Variants in CAST observed in about 807,000 individuals in gnomAD.
CAST encodes MIR583 host.
A neutral mutation model predicts 119.6 loss-of-function variants in CAST; 76 were observed. That is an observed-to-expected ratio of 0.64 (90% CI 0.53 to 0.77). The LOEUF is 0.77. Ranked by LOEUF, CAST falls within the 30% of genes least tolerant of loss-of-function variation. The pLI, the probability that CAST is intolerant of heterozygous loss-of-function variation, is 0.00. For synonymous variants in CAST, 319 were observed against 331.6 expected, an observed-to-expected ratio of 0.96 and a Z score of 0.41; for missense variants, 953 against 946.5, an observed-to-expected ratio of 1.01 and a Z score of -0.09.
At chr5:96,469,629 G>T in the CAST span, among the ~76,000 whole-genome samples, 1 of 151,836 alleles carries the variant, frequency 6.6e-6, no homozygotes, top group Admixed American at 6.6e-5. Context: ...AAAACAGAAT[G>T]CATTGAAAGA....
At chr5:96,489,203 A>T in the CAST span, among the ~76,000 whole-genome samples, 2 of 132,018 alleles carry the variant, frequency 1.5e-5, no homozygotes, top group African/African-American at 5.5e-5. Context: ...TTGTTTTTTG[A>T]CGTGTAGATT....
the CAST span, among the ~76,000 whole-genome samples, chr5:96,338,810 G>A: frequency 1.3e-5 from 2 of 152,120 alleles, no homozygotes; most frequent in Non-Finnish European, 2.9e-5. Context: ...CTAGAGACTT[G>A]GCTCCTGGTG....
chr5:96,425,062 A>G, the CAST span, among the ~76,000 whole-genome samples: 22 of 142,436 alleles, frequency 1.5e-4, no homozygotes, highest in Non-Finnish European at 2.9e-4. Context: ...GAAAGAAAGA[A>G]AGAAAGAAAG....
At chr5:96,001,557 C>T in the CAST span, among the ~76,000 whole-genome samples, 1 of 152,142 alleles carries the variant, frequency 6.6e-6, no homozygotes. Context: ...GAGAAAGGCA[C>T]ATAACACTTG....
chr5:96,450,143 T>C, the CAST span, among the ~76,000 whole-genome samples: 1 of 152,220 alleles, frequency 6.6e-6, no homozygotes, highest in African/African-American at 2.4e-5. Context: ...AGCAAAGTCA[T>C]GGATTCCACC....
chr5:96,109,039 C>T, the CAST span, among the ~76,000 whole-genome samples: 1 of 152,356 alleles, frequency 6.6e-6, no homozygotes, highest in Admixed American at 6.5e-5. Context: ...ACTCCCTGAC[C>T]CCTTGCGCTT....
chr5:96,552,624 AC>A (rs1320456405), intron 1 of CAST, among the ~76,000 whole-genome samples: 1 of 152,142 alleles, frequency 6.6e-6, no homozygotes, highest in African/African-American at 2.4e-5. Context: ...ATCAGTGAAT[AC>A]AGGAGCTGGT....
At chr5:96,421,363 T>G in the CAST span, among the ~76,000 whole-genome samples, 1 of 149,754 alleles carries the variant, frequency 6.7e-6, no homozygotes, top group Non-Finnish European at 1.5e-5. Context: ...CCCTGGAGAC[T>G]GTGTTGGATT....
At chr5:96,295,851 T>A in the CAST span, among the ~76,000 whole-genome samples, 1 of 152,148 alleles carries the variant, frequency 6.6e-6, no homozygotes, top group African/African-American at 2.4e-5. Flanking sequence ...ATGTCCAATT[T>A]TGTGTACAAA....
chr5:96,068,409 C>G, the CAST span, among the ~76,000 whole-genome samples: 1 of 151,982 alleles, frequency 6.6e-6, no homozygotes, highest in Non-Finnish European at 1.5e-5. Flanking sequence ...AGAACTTTAC[C>G]CTGACTCCTG....
At chr5:96,312,368 C>G in the CAST span, among the ~76,000 whole-genome samples, 1 of 152,028 alleles carries the variant, frequency 6.6e-6, no homozygotes, top group Non-Finnish European at 1.5e-5. Flanking sequence ...CTAAGGGTTA[C>G]CCCTGTGTTG....
the CAST span, among the ~76,000 whole-genome samples, chr5:96,009,586 A>G: frequency 6.6e-6 from 1 of 152,034 alleles, no homozygotes; most frequent in African/African-American, 2.4e-5. Context: ...CTGGCTACCT[A>G]TATGTCTTCT....
the CAST span, among the ~76,000 whole-genome samples, chr5:96,025,031 A>G: frequency 9.7e-4 from 147 of 152,312 alleles, no homozygotes; most frequent in Middle Eastern, 3.4e-3. Flanking sequence ...TGATTGGGCC[A>G]AAAACCAGTG....
chr5:96,081,465 A>G, the CAST span, among the ~76,000 whole-genome samples: 1 of 152,200 alleles, frequency 6.6e-6, no homozygotes, highest in Admixed American at 6.5e-5. Flanking sequence ...GGAAGAGGAT[A>G]ATCTTGCTGA....
At chr5:96,003,219 G>A in the CAST span, among the ~76,000 whole-genome samples, 8 of 152,038 alleles carry the variant, frequency 5.3e-5, no homozygotes, top group South Asian at 2.1e-4. Flanking sequence ...CATCCTGGGC[G>A]ACAGAGCAAG....
Position 96,765,344 on chromosome 5 carries a change from A to G in CAST, c.2037+19A>G. On this transcript the variant is annotated intron_variant, in intron 26 of 31. Transcript: ENST00000675179. ...AGTAAAGGTAAAAAAAAAAAAAAAA[A>G]AAAAAAAAATTCACTAATAGTGAAA... The G allele has an allele frequency of 9.5e-7, 1 of 1,052,482 alleles. No individual in the cohort carries two copies. Among genetic ancestry groups the G allele is most frequent in the Non-Finnish European group, 1.4e-6 (1 of 737,054 alleles). 65.2% of individuals were successfully genotyped at this position (1,052,482 alleles called of 1,614,324 possible). A position where few individuals can be genotyped will look rare whatever the true frequency, so the allele number is the denominator to read the frequency against.
At chr5:96,621,068 C>G (rs1329550171) in intron 1 of CAST, among the ~76,000 whole-genome samples, 1 of 152,144 alleles carries the variant, frequency 6.6e-6, no homozygotes, top group Non-Finnish European at 1.5e-5. Flanking sequence ...TCACAGATAC[C>G]TCAAGTTCCC....
At chr5:96,354,790 G>C in the CAST span, among the ~76,000 whole-genome samples, 1 of 150,060 alleles carries the variant, frequency 6.7e-6, no homozygotes, top group Non-Finnish European at 1.5e-5. Context: ...CTGGAGCTTA[G>C]GCAATAAATG....
the CAST span, among the ~76,000 whole-genome samples, chr5:96,014,860 C>T: frequency 1.3e-5 from 2 of 152,070 alleles, no homozygotes; most frequent in African/African-American, 4.8e-5. Flanking sequence ...TTCTGTTAGC[C>T]TGGAGGAAGA....
Sources: allele counts gnomAD v4.1 joint callset (sites outside exome capture counted in the v4.1 genomes callset), GRCh38; gene constraint gnomAD v4.1.1; transcripts MANE v1.5; gene names NCBI Gene and HGNC (gene_info 2026-07-23, HGNC 2026-07-21).